The following NOP2 variants were observed in gnomAD, a reference collection of about 807,000 sequenced individuals.
NOP2 encodes the protein NOP2 nucleolar protein, also known as 28S rRNA (cytosine(4447)-C(5))-methyltransferase.
A neutral mutation model predicts 72.7 loss-of-function variants in NOP2; 7 were observed. The observed-to-expected ratio is 0.10, with a 90% CI of 0.05 to 0.18. NOP2 has a LOEUF of 0.18. Ranked by LOEUF, NOP2 falls within the 10% of genes least tolerant of loss-of-function variation. The probability of loss-of-function intolerance (pLI) is 1.00; values close to 1 mark genes in which losing one functional copy is unlikely to be tolerated. For synonymous variants in NOP2, 387 were observed against 388.0 expected, an observed-to-expected ratio of 1.00 and a Z score of 0.03; for missense variants, 954 against 1,014.7, an observed-to-expected ratio of 0.94 and a Z score of 0.81.
intron 15 of NOP2, among the ~76,000 whole-genome samples, chr12:6,558,787 G>A (rs1019282768): frequency 2.0e-5 from 3 of 151,484 alleles, no homozygotes; most frequent in African/African-American, 4.9e-5. Context: ...TCTCAAACTC[G>A]TGGTCTTAAG....
At position 6,566,757 on chromosome 12, in the gene NOP2, G is replaced by A. The variant is rs556180805; in HGVS notation, c.149+20C>T. 1 of 1,612,450 alleles carries A rather than the reference G, an allele frequency of 6.2e-7. No individual in the cohort carries two copies. Among genetic ancestry groups the A allele is most frequent in the Non-Finnish European group, 8.5e-7 (1 of 1,178,880 alleles). On this transcript the variant is annotated intron_variant, in intron 3 of 15. Coordinates refer to ENST00000322166, the MANE Select transcript of NOP2 (RefSeq NM_001258308.2). The stretch of plus-strand genomic sequence containing the variant: ...AGCAGTACCAATTTAACCTACTTAA[G>A]TTTTGACACCCACACTTACCTCTTT...
At chr12:6,564,075 C>T in intron 5 of NOP2, 129 bp from the exon 6 acceptor site, 2 of 1,531,090 alleles carry the variant, frequency 1.3e-6, no homozygotes, top group Non-Finnish European at 1.7e-6. Context: ...AATAGAGGAG[C>T]AAAGAAATGA....
chr12:6,560,336 G>C lies in NOP2; in HGVS notation c.1561-10C>G. 2 of 1,611,658 alleles carry C rather than the reference G, an allele frequency of 1.2e-6. No homozygotes were observed. The highest frequency in any genetic ancestry group is 2.2e-5 in the South Asian group (2 of 91,044). The stretch of plus-strand genomic sequence containing the variant: ...ACTCATTCTCTTCTACCTGGATGTG[G>C]GGGGAAGACAAAGAACGGAGGAAAA... On this transcript the variant is annotated splice_polypyrimidine_tract_variant and intron_variant, in intron 14 of 15. Coordinates refer to ENST00000322166, the MANE Select transcript of NOP2 (RefSeq NM_001258308.2). This position sits in a 1 kb window ranked among gnomAD's most constrained non-coding sequence, Gnocchi z 5.0.
At position 6,563,498 on chromosome 12, in the gene NOP2, G is replaced by C; in HGVS notation, c.705C>G (p.Asp235Glu). 6.2e-7 allele frequency: 1 copy of C among 1,612,656 alleles called. No homozygotes were observed. The highest frequency in any genetic ancestry group is 1.1e-5 in the South Asian group (1 of 90,760). ...GEMEQDAQAPDLQRVHKRIQD... is the reference protein window; with the variant it reads ...GEMEQDAQAPELQRVHKRIQD... ...GGATCCGCTTGTGAACTCGTTGCAG[G>C]TCTGGAGCCTGGGCATGTGGGCCTG... Residue 235 changes from aspartate (D) to glutamate (E), a missense_variant, in exon 8 of 16, where the codon GAC (aspartate) becomes GAG (glutamate). Transcript: ENST00000322166.
rs1947704353 is a variant in NOP2 at position 6,563,624 on chromosome 12, C to T, written c.678G>A (p.Glu226=). 6.2e-7 allele frequency: 1 copy of T among 1,611,580 alleles called. No individual in the cohort carries two copies. The highest frequency in any genetic ancestry group is 2.2e-5 in the East Asian group (1 of 44,854). ...EEPFVLPPAG[E]MEQDAQAPDL... ...GCCCTGCAAGGATATCCTGCTCCAT[C>T]TCCCCAGCAGGGGGCAGCACAAATG... Residue 226 remains glutamate, a synonymous_variant, in exon 7 of 16, where the codon GAG becomes GAA. Coordinates refer to ENST00000322166, the MANE Select transcript of NOP2 (RefSeq NM_001258308.2).
At chr12:6,562,913 G>A (rs776573236) in intron 9 of NOP2, among the ~76,000 whole-genome samples, 168 bp downstream of exon 9, 3 of 152,026 alleles carry the variant, frequency 2.0e-5, no homozygotes, top group Non-Finnish European at 2.9e-5. Flanking sequence ...GAGGTCCTAG[G>A]CCCCCAGATC....
In NOP2 at chr12:6,567,925, G is replaced by A. The variant is rs753521551; in HGVS notation, c.-4-3C>T. 1 of 1,610,782 alleles carries A rather than the reference G, an allele frequency of 6.2e-7. No homozygotes were observed. The highest frequency in any genetic ancestry group is 2.2e-5 in the East Asian group (1 of 44,852). On this transcript the variant is annotated splice_region_variant and splice_polypyrimidine_tract_variant and intron_variant, in intron 1 of 15. Coordinates refer to ENST00000322166, the MANE Select transcript of NOP2 (RefSeq NM_001258308.2). Reference sequence around the variant, plus strand: ...GGTCCAACTTGCGCCCCATGGTACTGTGGCAGGCAGAAATGGGAGAAGGTG... The same window carrying A: ...GGTCCAACTTGCGCCCCATGGTACTATGGCAGGCAGAAATGGGAGAAGGTG...
chr12:6,565,178 C>T (rs1465191476), intron 5 of NOP2, among the ~76,000 whole-genome samples: 8 of 135,306 alleles, frequency 5.9e-5, no homozygotes, highest in African/African-American at 2.3e-4. Context: ...TTTTTTGAGA[C>T]AGTCTCACTC....
chr12:6,558,140 C>CAAAAAAAAAAAAA (rs1186896591), intron 15 of NOP2: 6 of 174,872 alleles, frequency 3.4e-5, no homozygotes, highest in Non-Finnish European at 5.0e-5. Flanking sequence ...GACACCGTCT[C>CAAAAAAAAAAAAA]AAAAAAAAAA....
intron 5 of NOP2, among the ~76,000 whole-genome samples, chr12:6,564,584 T>C (rs1240683207): frequency 6.6e-6 from 1 of 151,862 alleles, no homozygotes; most frequent in Non-Finnish European, 1.5e-5. Context: ...CGCACCACCA[T>C]GCCCAGCTAA....
At chr12:6,565,428 C>T (rs929512295) in intron 5 of NOP2, among the ~76,000 whole-genome samples, 2 of 152,120 alleles carry the variant, frequency 1.3e-5, no homozygotes, top group East Asian at 3.8e-4. Context: ...GCCATCTCCG[C>T]CTCACAGGTT....
intron 5 of NOP2, 101 bp from the exon 6 acceptor site, chr12:6,564,047 C>T: frequency 2.6e-6 from 4 of 1,539,930 alleles, no homozygotes; most frequent in Non-Finnish European, 3.5e-6. Context: ...AAAAATCCAA[C>T]ACTTGCTCTC....
At chr12:6,559,442 T>G (rs912076907) in intron 15 of NOP2, among the ~76,000 whole-genome samples, 6 of 152,132 alleles carry the variant, frequency 3.9e-5, no homozygotes, top group Non-Finnish European at 7.3e-5. Context: ...TCTTATATTT[T>G]TAGTAGAGAC....
Position 6,560,629 on chromosome 12 carries a change from C to T in NOP2, c.1438-60G>A. 1 of 1,609,062 alleles carries T rather than the reference C, an allele frequency of 6.2e-7. No homozygotes were observed. Among genetic ancestry groups the T allele is most frequent in the Non-Finnish European group, 8.5e-7 (1 of 1,176,492 alleles). On this transcript the variant is annotated intron_variant, in intron 13 of 15. Coordinates refer to ENST00000322166, the MANE Select transcript of NOP2 (RefSeq NM_001258308.2). The surrounding 1 kb of genome is among the most constrained non-coding windows in gnomAD (Gnocchi z 5.0). ...AGGAGAGGGGAGCCCAGAGGGTGTC[C>T]CCATCTCAGTTTCCAGCTCTACGAG...
At position 6,557,385 on chromosome 12, in the gene NOP2, C is replaced by T. The variant is rs1947515596; in HGVS notation, c.2047G>A (p.Ala683Thr). Residue 683 changes from alanine to threonine, a missense_variant, in exon 16 of 16, where the codon GCT becomes ACT. Physicochemically the swap from Ala to Thr is moderately conservative, Grantham distance 58. Around this residue, in one of 3 missense-constraint regions of NOP2, gnomAD observed 269 missense variants for 260.2 expected, o/e 1.03. Transcript: ENST00000322166. ...SSSFQDSSQP[A>T]GKAEGIREPK... ...TCCCTGATCCCTTCGGCTTTTCCAG[C>T]TGGCTGACTGCTATCCTGGAAGCTG... 3 of 1,613,938 alleles carry T rather than the reference C, an allele frequency of 1.9e-6. No individual in the cohort carries two copies. The highest frequency in any genetic ancestry group is 1.7e-6 in the Non-Finnish European group (2 of 1,179,908).
chr12:6,568,218 T>G lies in NOP2; in HGVS notation c.-16A>C. On this transcript the variant is annotated 5_prime_UTR_variant, in exon 1 of 16. Coordinates refer to ENST00000322166, the MANE Select transcript of NOP2 (RefSeq NM_001258308.2). ...TCCTCTAGACCCACCAGAATGCGGG[T>G]TAATGTCCGAGAGTGCCCTTCGGGC... 2.9e-6 allele frequency: 1 copy of G among 346,234 alleles called. No individual in the cohort carries two copies. The highest frequency in any genetic ancestry group is 5.3e-6 in the Non-Finnish European group (1 of 188,834). 21.4% of individuals were successfully genotyped at this position (346,234 alleles called of 1,614,324 possible).
Position 6,560,994 on chromosome 12 carries a change from G to A in NOP2, c.1284C>T (p.Asn428=). 6.2e-7 allele frequency: 1 copy of A among 1,614,004 alleles called. No individual in the cohort carries two copies. The highest frequency in any genetic ancestry group is 8.5e-7 in the Non-Finnish European group (1 of 1,179,898). Residue 428 remains asparagine, a synonymous_variant, in exon 12 of 16, where the codon AAC becomes AAT. Transcript: ENST00000322166. The surrounding 1 kb of genome is among the most constrained non-coding windows in gnomAD (Gnocchi z 5.0). ...TGTTGGTGACTCCCAGCCGATGCAA[G>A]TTGCCCACAACACTCTTGAGCCGCT... is the stretch of plus-strand genomic sequence containing the variant. ...NAERLKSVVG[N]LHRLGVTNTI... is the part of the protein sequence containing the mutation.
At chr12:6,562,014 A>C (rs544126971) in intron 9 of NOP2, 43 bp from the exon 10 acceptor site, 1 of 1,361,212 alleles carries the variant, frequency 7.3e-7, no homozygotes, top group Non-Finnish European at 1.0e-6. Context: ...TTTGAGATGG[A>C]GTCTCACTCT....
At chr12:6,563,995 C>T in intron 5 of NOP2, 49 bp from the exon 6 acceptor site, 1 of 1,594,542 alleles carries the variant, frequency 6.3e-7, no homozygotes, top group African/African-American at 1.3e-5. Context: ...TCCATCAGCC[C>T]TTGTAGCAGT....
Sources: allele counts gnomAD v4.1 joint callset (sites outside exome capture counted in the v4.1 genomes callset), GRCh38; gene constraint gnomAD v4.1.1; regional missense constraint gnomAD v4.1.1; non-coding constraint Gnocchi (gnomAD v3.1); transcripts MANE v1.5; gene names NCBI Gene and HGNC (gene_info 2026-07-23, HGNC 2026-07-21).